PREX2: variants seen among roughly 807,000 people sequenced by gnomAD.
The protein encoded by PREX2 is phosphatidylinositol-3,4,5-trisphosphate dependent Rac exchange factor 2.
A neutral mutation model predicts 203.2 loss-of-function variants in PREX2; 107 were observed. That is an observed-to-expected ratio of 0.53 (90% confidence interval 0.45 to 0.62). The LOEUF (loss-of-function observed/expected upper bound fraction) is 0.62, where lower values mean the gene tolerates loss of function less well. PREX2 is among the 20% of genes least tolerant of loss of function. PREX2 has a pLI of 0.00. For missense variants in PREX2, 1,777 were observed against 1,955.9 expected (o/e 0.91, Z 1.72); for synonymous variants, 672 against 663.6 (o/e 1.01, Z -0.19).
At chr8:68,005,701 C>T (rs1293400789) in intron 1 of PREX2, among the ~76,000 whole-genome samples, 4 of 152,162 alleles carry the variant, frequency 2.6e-5, no homozygotes, top group African/African-American at 4.8e-5. Context: ...AGAAGCCTTT[C>T]CATTCATTTG....
chr8:68,174,646 G>C (rs370381607), intron 35 of PREX2, among the ~76,000 whole-genome samples: 139 of 152,178 alleles, frequency 9.1e-4, no homozygotes, highest in African/African-American at 3.0e-3. Flanking sequence ...ATGATTCTAT[G>C]GTAACACTTA....
At chr8:68,158,596 G>A (rs972300286) in intron 35 of PREX2, among the ~76,000 whole-genome samples, 17 of 152,062 alleles carry the variant, frequency 1.1e-4, no homozygotes, top group Non-Finnish European at 2.4e-4. Flanking sequence ...TAAGCTCTAG[G>A]GTGTGGGTTG....
At chr8:68,002,853 T>C (rs1431154661) in intron 1 of PREX2, among the ~76,000 whole-genome samples, 8 of 152,192 alleles carry the variant, frequency 5.3e-5, no homozygotes, top group Admixed American at 5.2e-4. Context: ...GATATTGTAG[T>C]TTGCAGACTG....
At chr8:68,063,366 G>A (rs1477050543) in intron 11 of PREX2, among the ~76,000 whole-genome samples, 1 of 151,956 alleles carries the variant, frequency 6.6e-6, no homozygotes, top group Non-Finnish European at 1.5e-5. Flanking sequence ...TGCAGCCAAG[G>A]ACATGTACAC....
At chr8:68,015,920 T>C (rs939324478) in intron 1 of PREX2, among the ~76,000 whole-genome samples, 3 of 152,178 alleles carry the variant, frequency 2.0e-5, no homozygotes, top group Non-Finnish European at 4.4e-5. Flanking sequence ...TAGATTGATA[T>C]CCAATACATG....
intron 35 of PREX2, among the ~76,000 whole-genome samples, chr8:68,190,557 A>G (rs1200990736): frequency 8.5e-5 from 13 of 152,060 alleles, no homozygotes; most frequent in Admixed American, 8.5e-4. Context: ...TTGAAAAGCA[A>G]TACACACTTT....
At chr8:68,213,237 AC>A (rs1812774426) in intron 37 of PREX2, among the ~76,000 whole-genome samples, 1 of 152,230 alleles carries the variant, frequency 6.6e-6, no homozygotes, top group South Asian at 2.1e-4. Context: ...ATTGAACGCT[AC>A]CCAACATGAC....
intron 1 of PREX2, among the ~76,000 whole-genome samples, chr8:67,983,593 G>A (rs1473580430): frequency 6.6e-6 from 1 of 152,190 alleles, no homozygotes; most frequent in Non-Finnish European, 1.5e-5. Flanking sequence ...AGCTGCCCAT[G>A]AGGGCCTCCA....
intron 32 of PREX2, among the ~76,000 whole-genome samples, chr8:68,136,260 GGTTTTTTTT>G (rs1811110471): frequency 6.7e-6 from 1 of 148,740 alleles, no homozygotes; most frequent in African/African-American, 2.4e-5. Context: ...GAAGCGGTGT[GGTTTTTTTT>G]CAACTGGTCT....
chr8:68,132,974 T>C (rs1431226669), intron 31 of PREX2, among the ~76,000 whole-genome samples: 1 of 152,202 alleles, frequency 6.6e-6, no homozygotes, highest in Non-Finnish European at 1.5e-5. Flanking sequence ...AGTGGGTGTA[T>C]TGGTCTATTT....
intron 37 of PREX2, among the ~76,000 whole-genome samples, chr8:68,200,699 T>C (rs1339174880): frequency 2.0e-5 from 3 of 152,078 alleles, no homozygotes; most frequent in Non-Finnish European, 4.4e-5. Flanking sequence ...TAAAATTAGA[T>C]GTATGGTGAG....
intron 35 of PREX2, among the ~76,000 whole-genome samples, chr8:68,179,692 T>C (rs1812048811): frequency 6.6e-6 from 1 of 152,186 alleles, no homozygotes; most frequent in South Asian, 2.1e-4. Flanking sequence ...GTCTCTTGTC[T>C]GCTGCTCTAC....
Position 68,234,250 on chromosome 8 carries a change from GT to G in PREX2, c.*2876del, listed in dbSNP as rs1425504209. On this transcript the variant is annotated 3_prime_UTR_variant, in exon 40 of 40. Coordinates refer to ENST00000288368, the MANE Select transcript of PREX2 (RefSeq NM_024870.4). ...ACATTGGGCATTAAATGGCCTTGAG[GT>G]TTTAGGATGTGTTTACCTTAATGCT... 1 of 152,050 alleles carries G rather than the reference GT, an allele frequency of 6.6e-6. No homozygotes were observed. The highest frequency in any genetic ancestry group is 2.4e-5 in the African/African-American group (1 of 41,410). The allele number at this position is 152,050 out of a possible 1,614,324, so 9.4% of individuals were successfully genotyped here.
At chr8:68,215,227 A>T (rs1812810694) in intron 37 of PREX2, among the ~76,000 whole-genome samples, 1 of 152,218 alleles carries the variant, frequency 6.6e-6, no homozygotes. Context: ...TAAGAAAATG[A>T]GTAGTAATTG....
At chr8:67,996,579 G>A (rs1345281993) in intron 1 of PREX2, among the ~76,000 whole-genome samples, 1 of 152,054 alleles carries the variant, frequency 6.6e-6, no homozygotes, top group Non-Finnish European at 1.5e-5. Context: ...TTGCTTCCCT[G>A]TCTTTGGCTC....
rs201846194 is a variant in PREX2 at position 68,018,727 on chromosome 8, G to GA, written c.214-814dup. On this transcript the variant is annotated intron_variant, in intron 2 of 39. Coordinates refer to ENST00000288368, the MANE Select transcript of PREX2 (RefSeq NM_024870.4). ...AGGAAGGAAAACTGTGAACAGTCTTGAAAAAAAAGGATGGTAAATGAAAAT... is the reference window on the plus strand; with the variant it reads ...AGGAAGGAAAACTGTGAACAGTCTTGAAAAAAAAAGGATGGTAAATGAAAAT... 4.0e-5 allele frequency among the ~76,000 whole-genome samples: 6 copies of GA among 151,172 alleles called. No homozygotes were observed. The South Asian group carries it at 6.3e-4, about 16-fold the overall frequency.
intron 21 of PREX2, among the ~76,000 whole-genome samples, chr8:68,094,059 G>A (rs533630799): frequency 6.6e-6 from 1 of 152,316 alleles, no homozygotes; most frequent in Non-Finnish European, 1.5e-5. Context: ...TTAAGTAGTA[G>A]AGTGAGGATT....
At chr8:68,172,678 T>C (rs905942377) in intron 35 of PREX2, among the ~76,000 whole-genome samples, 14 of 152,200 alleles carry the variant, frequency 9.2e-5, no homozygotes, top group African/African-American at 2.6e-4. Context: ...GTTATAGTAT[T>C]TGGGGGAGAA....
intron 29 of PREX2, 105 bp from the exon 30 acceptor site, chr8:68,120,816 G>A: frequency 1.1e-6 from 1 of 916,886 alleles, no homozygotes. Context: ...TGACCACCAT[G>A]TCAATAGTCT....
Sources: allele counts gnomAD v4.1 joint callset (sites outside exome capture counted in the v4.1 genomes callset), GRCh38; gene constraint gnomAD v4.1.1; transcripts MANE v1.5; gene names NCBI Gene and HGNC (gene_info 2026-07-23, HGNC 2026-07-21).